Variants in NSD3 observed in about 807,000 individuals in gnomAD.
The protein encoded by NSD3 is histone-lysine N-methyltransferase NSD3.
Under a neutral mutation model 160.8 loss-of-function variants are expected in NSD3, and 24 were observed. The observed-to-expected ratio is 0.15, with a 90% confidence interval of 0.11 to 0.21. The LOEUF is 0.21. Among genes scored for constraint, NSD3 ranks in the 10% least tolerant of loss-of-function variants. The probability of loss-of-function intolerance (pLI) is 1.00; values close to 1 mark genes in which losing one functional copy is unlikely to be tolerated. For missense variants in NSD3, 1,157 were observed against 1,735.9 expected, an observed-to-expected ratio of 0.67 and a Z score of 5.93; for synonymous variants, 520 against 600.0, an observed-to-expected ratio of 0.87 and a Z score of 1.95.
chr8:38,374,922 C>T (rs1811350998), intron 1 of NSD3, among the ~76,000 whole-genome samples: 1 of 151,950 alleles, frequency 6.6e-6, no homozygotes, highest in Non-Finnish European at 1.5e-5. Context: ...GAGAATGGCG[C>T]GAACACGGGA....
chr8:38,295,928 G>A lies in NSD3; in HGVS notation c.2783C>T (p.Ser928Leu), dbSNP rs780316096. 3.0e-5 allele frequency: 48 copies of A among 1,612,920 alleles called. No individual in the cohort carries two copies. Among genetic ancestry groups the A allele is most frequent in the Middle Eastern group, 1.6e-4 (1 of 6,078 alleles). The change falls in exon 16 of 24, where the codon TCG (serine) becomes TTG (leucine). Residue 928 changes from serine (S) to leucine (L), a missense_variant. Physicochemically the swap from Ser to Leu is moderately radical, Grantham distance 145 (BLOSUM62 -2). This residue lies in a region of NSD3 where 437 missense variants were observed against 576.6 expected (regional missense o/e 0.76). Coordinates refer to ENST00000317025, the MANE Select transcript of NSD3 (RefSeq NM_023034.2). ...TTCCGGGTGGAAGGAAGCTGGGCAC[G>A]ATTCACAGCAGAGCAATCTTCCACC... ...EKGGRLLCCE[S>L]CPASFHPECL...
At chr8:38,379,312 C>T (rs1474926443) in intron 1 of NSD3, among the ~76,000 whole-genome samples, 1 of 148,528 alleles carries the variant, frequency 6.7e-6, no homozygotes, top group Non-Finnish European at 1.5e-5. Context: ...TTTTTTTAAG[C>T]AATGAAAGCT....
chr8:38,310,675 CTTTT>C (rs919146524), intron 12 of NSD3, among the ~76,000 whole-genome samples: 4 of 138,156 alleles, frequency 2.9e-5, no homozygotes, highest in African/African-American at 5.3e-5. Context: ...GCCAGGCTAA[CTTTT>C]TTTTTTTTTT....
chr8:38,364,555 C>G lies in NSD3; in HGVS notation c.-44-16340G>C, dbSNP rs183838531. Among the ~76,000 whole-genome samples the G allele has an allele frequency of 1.3e-3, 201 of 152,226 alleles. 2 individuals are homozygous for G. Among genetic ancestry groups the G allele is most frequent in the African/African-American group, 4.6e-3 (192 of 41,552 alleles). ...TCTCATTCTAGGGGTAGACCTGATA[C>G]AAATAACAAAATGGCAGTCAAGCCA... is the stretch of plus-strand genomic sequence containing the variant. On this transcript the variant is annotated intron_variant, in intron 1 of 23. Coordinates refer to ENST00000317025, the MANE Select transcript of NSD3 (RefSeq NM_023034.2).
At chr8:38,350,833 A>T (rs889905501) in intron 1 of NSD3, among the ~76,000 whole-genome samples, 3 of 152,190 alleles carry the variant, frequency 2.0e-5, no homozygotes, top group Non-Finnish European at 2.9e-5. Context: ...GTTACAATAT[A>T]GATAAGTATC....
intron 20 of NSD3, among the ~76,000 whole-genome samples, chr8:38,281,056 GAAAA>G: frequency 6.6e-6 from 1 of 152,178 alleles, no homozygotes; most frequent in East Asian, 1.9e-4. Flanking sequence ...ATGCCCTGCC[GAAAA>G]GTTTTAATAT....
At chr8:38,362,962 G>A (rs1483005544) in intron 1 of NSD3, among the ~76,000 whole-genome samples, 1 of 152,110 alleles carries the variant, frequency 6.6e-6, no homozygotes, top group African/African-American at 2.4e-5. Flanking sequence ...GGAATGTCAC[G>A]AGATATTTAG....
Position 38,328,982 on chromosome 8 carries a change from C to CAA in NSD3, c.1581+395_1581+396insTT, listed in dbSNP as rs3215419. On this transcript the variant is annotated intron_variant, in intron 6 of 23. Coordinates refer to ENST00000317025, the MANE Select transcript of NSD3 (RefSeq NM_023034.2). The stretch of plus-strand genomic sequence containing the variant: ...AACAGGTCAGCAGGTACAATTATTA[C>CAA]AGTGGTTTTTATAACAATGGTTAAT... Among the ~76,000 whole-genome samples the CAA allele has an allele frequency of 1.3e-3, 197 of 152,280 alleles. 3 individuals carry two copies. The East Asian group carries it at 0.033, about 26-fold the overall frequency.
intron 1 of NSD3, among the ~76,000 whole-genome samples, chr8:38,374,114 C>CAA (rs997756717): frequency 7.2e-6 from 1 of 137,966 alleles, no homozygotes. Flanking sequence ...GACCCTGTCT[C>CAA]AAAAAAAAAA....
At chr8:38,312,999 T>C (rs995115756) in intron 12 of NSD3, among the ~76,000 whole-genome samples, 1 of 152,198 alleles carries the variant, frequency 6.6e-6, no homozygotes, top group South Asian at 2.1e-4. Context: ...ACATGCTCTA[T>C]CCGTGTTCAA....
At chr8:38,304,947 G>A (rs906593205) in intron 13 of NSD3, among the ~76,000 whole-genome samples, 190 bp from the exon 14 acceptor site, 6 of 152,092 alleles carry the variant, frequency 3.9e-5, no homozygotes, top group Non-Finnish European at 4.4e-5. Context: ...TAATAGTCAC[G>A]TAGAGATCAT....
At chr8:38,305,548 T>G (rs998673182) in intron 12 of NSD3, 103 bp from the exon 13 acceptor site, 2 of 1,014,918 alleles carry the variant, frequency 2.0e-6, no homozygotes, top group Non-Finnish European at 2.8e-6. Flanking sequence ...ACAGACTCTA[T>G]TACTATACTT....
At chr8:38,314,479 C>G (rs180959009) in intron 12 of NSD3, among the ~76,000 whole-genome samples, 168 bp downstream of exon 12, 350 of 152,290 alleles carry the variant, frequency 2.3e-3, no homozygotes, top group Non-Finnish European at 3.6e-3. Context: ...AATTTAACTA[C>G]TTTTTAAATC....
chr8:38,337,636 A>T (rs1563359811), intron 3 of NSD3, 169 bp from the exon 4 acceptor site: 3 of 435,680 alleles, frequency 6.9e-6, no homozygotes, highest in Non-Finnish European at 1.1e-5. Context: ...AAAGTACATT[A>T]AAAATGCTAA....
In NSD3 at chr8:38,377,685, C is replaced by A. The variant is rs372364310; in HGVS notation, c.-45+4114G>T. Among the ~76,000 whole-genome samples the A allele has an allele frequency of 9.9e-5, 15 of 152,138 alleles. No homozygotes were observed. The South Asian group carries it at 2.5e-3, about 25-fold the overall frequency. ...CATAGGTACTAATTTAAAAAGATGT[C>A]CCAGATAGGCTGTTAAAATGAAAAA... On this transcript the variant is annotated intron_variant, in intron 1 of 23. Transcript: ENST00000317025.
In NSD3 at chr8:38,337,428, A is replaced by C. The variant is rs770948685; in HGVS notation, c.787T>G (p.Ser263Ala). 9 of 1,610,440 alleles carry C rather than the reference A, an allele frequency of 5.6e-6. No individual in the cohort carries two copies. Among genetic ancestry groups the C allele is most frequent in the Non-Finnish European group, 7.6e-6 (9 of 1,178,636 alleles). ...CCAACCTGAAACTTAACACCAGTGG[A>C]CACTTCCGTTGTTGGAACAGAAGAT... The part of the protein sequence containing the change: ...ILSSVPTTEV[S>A]TGVKFQVGDL... Residue 263 changes from serine (S) to alanine (A), a missense_variant, in exon 4 of 24, where the codon TCC becomes GCC. By Grantham distance (99) the Ser-to-Ala change is moderately conservative (BLOSUM62 1). This residue lies in a region of NSD3 where 99 missense variants were observed against 151.8 expected (regional missense o/e 0.65). Transcript: ENST00000317025.
intron 15 of NSD3, among the ~76,000 whole-genome samples, chr8:38,297,745 A>G (rs1301875045): frequency 6.6e-6 from 1 of 152,158 alleles, no homozygotes; most frequent in Admixed American, 6.5e-5. Context: ...TTACCAACCT[A>G]GAGATCAGAT....
At chr8:38,295,289 T>C (rs997099233) in intron 16 of NSD3, among the ~76,000 whole-genome samples, 11 of 151,764 alleles carry the variant, frequency 7.2e-5, no homozygotes, top group African/African-American at 2.4e-4. Context: ...TTGGTGGGCA[T>C]GGTGGCTCAT....
chr8:38,372,386 A>G (rs904840747), intron 1 of NSD3, among the ~76,000 whole-genome samples: 1 of 152,198 alleles, frequency 6.6e-6, no homozygotes, highest in African/African-American at 2.4e-5. Context: ...AATGTTAGAA[A>G]GCTACCTTAA....
Sources: allele counts gnomAD v4.1 joint callset (sites outside exome capture counted in the v4.1 genomes callset), GRCh38; gene constraint gnomAD v4.1.1; regional missense constraint gnomAD v4.1.1; transcripts MANE v1.5; gene names NCBI Gene and HGNC (gene_info 2026-07-23, HGNC 2026-07-21).